The following WDR75 variants were observed in gnomAD, a reference collection of about 807,000 sequenced individuals.
WDR75 encodes the protein WD repeat-containing protein 75.
WDR75 carries 52 observed loss-of-function variants against 106.1 expected under a neutral mutation model. The ratio of observed to expected loss-of-function variants is 0.49; its 90% confidence interval spans 0.39 to 0.62. The LOEUF is 0.62. Among genes scored for constraint, WDR75 ranks in the 20% least tolerant of loss-of-function variants. The pLI is 0.00. For synonymous variants in WDR75, 333 were observed against 335.5 expected (o/e 0.99, Z 0.08); for missense variants, 905 against 970.3 (o/e 0.93, Z 0.89).
chr2:189,469,008 T>C (rs932377947), intron 15 of WDR75, among the ~76,000 whole-genome samples: 5 of 152,220 alleles, frequency 3.3e-5, no homozygotes, highest in African/African-American at 1.2e-4. Flanking sequence ...GCATAGTAGC[T>C]GCTTATAAAT....
intron 17 of WDR75, among the ~76,000 whole-genome samples, chr2:189,470,497 A>G (rs1342124598): frequency 1.3e-5 from 2 of 152,120 alleles, no homozygotes; most frequent in African/African-American, 4.8e-5. Context: ...GAAGACAACT[A>G]AAATACTTTA....
At chr2:189,455,062 G>A (rs1686703724) in intron 4 of WDR75, among the ~76,000 whole-genome samples, 1 of 151,912 alleles carries the variant, frequency 6.6e-6, no homozygotes, top group South Asian at 2.1e-4. Flanking sequence ...CCAACATGGT[G>A]GAACCCCATC....
intron 2 of WDR75, 108 bp downstream of exon 2, chr2:189,448,616 G>C (rs1480554383): frequency 1.4e-6 from 2 of 1,422,800 alleles, no homozygotes; most frequent in Non-Finnish European, 1.9e-6. Context: ...TAAAATATTT[G>C]CTTATTTTCA....
In WDR75 at chr2:189,457,039, C is replaced by T. The variant is rs749706733; in HGVS notation, c.499-272C>T. On this transcript the variant is annotated intron_variant, in intron 5 of 20. Transcript: ENST00000314761. Reference sequence around the variant, plus strand: ...GGCGGATCACCTGAGGTCAGGAGTACGAGACCAGCCTGGCCAACATGGTGA... The same window carrying T: ...GGCGGATCACCTGAGGTCAGGAGTATGAGACCAGCCTGGCCAACATGGTGA... Among the ~76,000 whole-genome samples, 285 of 152,068 alleles carry T rather than the reference C, an allele frequency of 1.9e-3. 3 individuals are homozygous for T. The highest frequency in any genetic ancestry group is 9.2e-4 in the Admixed American group (14 of 15,280).
chr2:189,471,692 G>C (rs1158062924), intron 18 of WDR75, among the ~76,000 whole-genome samples: 1 of 152,048 alleles, frequency 6.6e-6, no homozygotes, highest in Non-Finnish European at 1.5e-5. Flanking sequence ...GATTGCTCTG[G>C]AAACCTGCTA....
intron 14 of WDR75, among the ~76,000 whole-genome samples, chr2:189,467,976 T>C (rs1321932981): frequency 6.6e-6 from 1 of 152,192 alleles, no homozygotes; most frequent in Non-Finnish European, 1.5e-5. Context: ...AACCGTGTTA[T>C]GCGCCAACCT....
At chr2:189,462,378 G>GT in intron 8 of WDR75, 106 bp from the exon 9 acceptor site, 1 of 1,258,522 alleles carries the variant, frequency 7.9e-7, no homozygotes, top group Non-Finnish European at 1.1e-6. Context: ...CTTTAAATGA[G>GT]TTTATTTCTC....
rs116676411 is a variant in WDR75, at chr2:189,461,275, A to T, written c.779-1209A>T. On this transcript the variant is annotated intron_variant, in intron 8 of 20. Transcript: ENST00000314761. Reference sequence around the variant, plus strand: ...GAAACAGTGTCCTATTTATCCATTTAGTCATTAAGGTAGTCTTTTGCAGGC... The same window carrying T: ...GAAACAGTGTCCTATTTATCCATTTTGTCATTAAGGTAGTCTTTTGCAGGC... Among the ~76,000 whole-genome samples, 531 of 152,366 alleles carry T rather than the reference A, an allele frequency of 3.5e-3. 6 individuals are homozygous for T. The highest frequency in any genetic ancestry group is 0.012 in the African/African-American group (494 of 41,600).
chr2:189,445,228 A>G (rs1307164120), intron 1 of WDR75, among the ~76,000 whole-genome samples: 1 of 152,252 alleles, frequency 6.6e-6, no homozygotes, highest in Non-Finnish European at 1.5e-5. Flanking sequence ...CTCCAACATC[A>G]TTCAGCTAAT....
intron 5 of WDR75, 52 bp from the exon 6 acceptor site, chr2:189,457,259 A>AG: frequency 7.6e-7 from 1 of 1,311,898 alleles, no homozygotes; most frequent in African/African-American, 1.5e-5. Context: ...AAAGAAAAAA[A>AG]AAAGAGTGTT....
intron 14 of WDR75, 81 bp from the exon 15 acceptor site, chr2:189,468,394 C>T: frequency 1.6e-6 from 2 of 1,285,392 alleles, no homozygotes; most frequent in Non-Finnish European, 1.1e-6. Context: ...TTACATAGAA[C>T]AGCCGCTGGA....
At position 189,451,847 on chromosome 2, in the gene WDR75, G is replaced by T; in HGVS notation, c.325G>T (p.Ala109Ser). 6.2e-7 allele frequency: 1 copy of T among 1,613,696 alleles called. No homozygotes were observed. The highest frequency in any genetic ancestry group is 8.5e-7 in the Non-Finnish European group (1 of 1,179,890). The change falls in exon 4 of 21, where the codon GCC becomes TCC. Residue 109 changes from alanine (A) to serine (S), a missense_variant. Physicochemically the swap from Ala to Ser is moderately conservative, Grantham distance 99. Transcript: ENST00000314761. ...TAAACTTCATGCCCTCTTTACTCTT[G>T]CCCAAGCTGAGGATTCTGTCTTTGT... ...GCKLHALFTL[A>S]QAEDSVFVIV...
intron 19 of WDR75, 98 bp downstream of exon 19, chr2:189,474,430 C>A: frequency 7.4e-7 from 1 of 1,350,164 alleles, no homozygotes; most frequent in South Asian, 1.4e-5. Context: ...GTATGCTGTA[C>A]AACTTTAATA....
At chr2:189,455,250 A>AT in intron 4 of WDR75, 70 bp from the exon 5 acceptor site, 2 of 1,539,964 alleles carry the variant, frequency 1.3e-6, no homozygotes, top group South Asian at 1.2e-5. Context: ...CAAAAAAAAA[A>AT]GAATAAATTC....
At chr2:189,444,847 G>C in intron 1 of WDR75, among the ~76,000 whole-genome samples, 1 of 152,096 alleles carries the variant, frequency 6.6e-6, no homozygotes, top group East Asian at 1.9e-4. Flanking sequence ...TACATTATCT[G>C]TGTCTTGTAT....
At chr2:189,442,294 C>T (rs1355830716) in intron 1 of WDR75, among the ~76,000 whole-genome samples, 5 of 151,936 alleles carry the variant, frequency 3.3e-5, no homozygotes, top group South Asian at 2.1e-4. Context: ...CATAATGGCT[C>T]AATGTATGTA....
At chr2:189,441,706 C>A in intron 1 of WDR75, 128 bp downstream of exon 1, 1 of 1,061,630 alleles carries the variant, frequency 9.4e-7, no homozygotes, top group Non-Finnish European at 1.4e-6. Context: ...GTAGAGCACG[C>A]GCCTGTGGGG....
intron 16 of WDR75, 36 bp from the exon 17 acceptor site, chr2:189,470,040 G>T: frequency 6.3e-7 from 1 of 1,592,092 alleles, no homozygotes; most frequent in Non-Finnish European, 8.6e-7. Flanking sequence ...ACCTTTTCAG[G>T]CAAAATGTTA....
At chr2:189,449,368 C>G (rs1362181781) in intron 2 of WDR75, 1 of 1,291,480 alleles carries the variant, frequency 7.7e-7, no homozygotes, top group African/African-American at 1.5e-5. Flanking sequence ...TTCTAAAAAT[C>G]AAAGTTAAGT....
Sources: gnomAD v4.1 joint callset for allele counts (sites outside exome capture counted in the v4.1 genomes callset) on GRCh38, gnomAD v4.1.1 for gene constraint, MANE v1.5 for transcripts, NCBI Gene and HGNC (gene_info 2026-07-23, HGNC 2026-07-21) for gene names.